MTG2: variants seen among roughly 807,000 people sequenced by gnomAD.
MTG2 encodes mitochondrial ribosome-associated GTPase 2.
A neutral mutation model predicts 28.6 loss-of-function variants in MTG2; 23 were observed. The observed-to-expected ratio is 0.80, with a 90% CI of 0.58 to 1.14. The LOEUF (loss-of-function observed/expected upper bound fraction) is 1.14, where lower values mean the gene tolerates loss of function less well. Ranked by LOEUF, MTG2 falls within the 50% of genes most tolerant of loss-of-function variation. The pLI is 0.00. For synonymous variants in MTG2, 260 were observed against 251.8 expected (o/e 1.03, Z -0.31); for missense variants, 539 against 552.0 (o/e 0.98, Z 0.24).
rs547130604 is a variant in MTG2 at position 62,190,918 on chromosome 20, C to G, written c.-5-2498C>G. 4.0e-4 allele frequency among the ~76,000 whole-genome samples: 61 copies of G among 152,274 alleles called. 2 individuals carry two copies. The highest frequency in any genetic ancestry group is 2.3e-3 in the South Asian group (11 of 4,828). ...TGTCCCATGGAGAGGTGGCCCGGCA[C>G]GGGAACTCAGCCAGTCGGAGAACAG... On this transcript the variant is annotated intron_variant, in intron 1 of 6. Transcript: ENST00000370823.
chr20:62,200,496 T>G (rs1229504373), intron 6 of MTG2, among the ~76,000 whole-genome samples, 187 bp from the exon 7 acceptor site: 2 of 152,088 alleles, frequency 1.3e-5, no homozygotes, highest in African/African-American at 4.8e-5. Context: ...GTTGGCCCAG[T>G]GAATCACCCA....
At position 62,195,877 on chromosome 20, in the gene MTG2, A is replaced by G. The variant is rs1303443769; in HGVS notation, c.280A>G (p.Ser94Gly). The G allele has an allele frequency of 1.9e-6, 3 of 1,614,222 alleles. No individual in the cohort carries two copies. Among genetic ancestry groups the G allele is most frequent in the Non-Finnish European group, 1.7e-6 (2 of 1,180,028 alleles). The stretch of plus-strand genomic sequence containing the variant: ...AGGCGCTGGGGCAAGCTGCTTCCAC[A>G]GTGAGCCCCGCAAGGAGTTTGGAGG... ...NGGAGASCFH[S>G]EPRKEFGGPD... The change falls in exon 3 of 7, where the codon AGT becomes GGT. Residue 94 changes from serine (S) to glycine (G), a missense_variant. Physicochemically the swap from Ser to Gly is moderately conservative, Grantham distance 56 (BLOSUM62 0). Coordinates refer to ENST00000370823, the MANE Select transcript of MTG2 (RefSeq NM_015666.4).
rs778175834 is a variant in MTG2, at chr20:62,195,939, C to T, written c.342C>T (p.Val114=). 6.2e-7 allele frequency: 1 copy of T among 1,614,058 alleles called. No individual in the cohort carries two copies. Among genetic ancestry groups the T allele is most frequent in the South Asian group, 1.1e-5 (1 of 91,072 alleles). ...DGGDGGNGGH[V]ILRVDQQVKS... is the part of the protein sequence containing the mutation. ...GGGACGGAGGCAACGGTGGACACGTCATTCTGAGAGGCAGGTGCCCTGGGG... is the reference window on the plus strand; with the variant it reads ...GGGACGGAGGCAACGGTGGACACGTTATTCTGAGAGGCAGGTGCCCTGGGG... The change falls in exon 3 of 7, where the codon GTC becomes GTT. Residue 114 remains valine (V), a synonymous_variant. Coordinates refer to ENST00000370823, the MANE Select transcript of MTG2 (RefSeq NM_015666.4).
chr20:62,195,908 A>ATG lies in MTG2; in HGVS notation c.312_313dup (p.Gly105ValfsTer13). On this transcript the variant is annotated frameshift_variant, in exon 3 of 7. Transcript: ENST00000370823. LOFTEE classifies it high-confidence loss of function. ...CCCCGCAAGGAGTTTGGAGGCCCTG[A>ATG]TGGAGGGGACGGAGGCAACGGTGGA... 3.7e-6 allele frequency: 6 copies of ATG among 1,614,186 alleles called. No homozygotes were observed. The highest frequency in any genetic ancestry group is 5.1e-6 in the Non-Finnish European group (6 of 1,180,024).
In MTG2 at chr20:62,201,176, A is replaced by G; in HGVS notation, c.*99A>G. On this transcript the variant is annotated 3_prime_UTR_variant, in exon 7 of 7. Coordinates refer to ENST00000370823, the MANE Select transcript of MTG2 (RefSeq NM_015666.4). ...ATAAAGTGCCTTGTGGACACGGGGG[A>G]GTTGTGGTGCTTCTGGGTCTCTGGG... is the stretch of plus-strand genomic sequence containing the variant. 7.2e-7 allele frequency: 1 copy of G among 1,382,958 alleles called. No individual in the cohort carries two copies. The highest frequency in any genetic ancestry group is 9.5e-7 in the Non-Finnish European group (1 of 1,049,090). 85.7% of individuals were successfully genotyped at this position (1,382,958 alleles called of 1,614,324 possible). A position where few individuals can be genotyped will look rare whatever the true frequency, so the allele number is the denominator to read the frequency against.
intron 1 of MTG2, among the ~76,000 whole-genome samples, chr20:62,183,681 A>G (rs975742508): frequency 6.6e-6 from 1 of 152,206 alleles, no homozygotes; most frequent in Admixed American, 6.5e-5. Flanking sequence ...ACAGACCTGT[A>G]GGTGGGAATT....
intron 1 of MTG2, among the ~76,000 whole-genome samples, chr20:62,187,477 G>C (rs1739595): frequency 0.036 from 5,452 of 152,200 alleles, 281 homozygotes; most frequent in African/African-American, 0.12. Context: ...GTTTTCCTTT[G>C]GGGAGTGTTC....
In MTG2 at chr20:62,193,967, C is replaced by T. The variant is rs907322568; in HGVS notation, c.204+343C>T. On this transcript the variant is annotated intron_variant, in intron 2 of 6. Transcript: ENST00000370823. The stretch of plus-strand genomic sequence containing the variant: ...TTAAAACAAATGCGGAGGCTGGGCA[C>T]GGTGGCTCATGCCTGTTATCCCAAC... 2.0e-5 allele frequency: 4 copies of T among 202,654 alleles called. No individual in the cohort carries two copies. The Admixed American group carries it at 2.3e-4, about 11-fold the overall frequency. 12.6% of individuals were successfully genotyped at this position (202,654 alleles called of 1,614,324 possible). A position where few individuals can be genotyped will look rare whatever the true frequency, so the allele number is the denominator to read the frequency against.
rs764705797 is a variant in MTG2, at chr20:62,198,719, G to A, written c.554G>A (p.Gly185Asp). ...GGAGATGAGTACATTGCCGCGCTGG[G>A]CGGGGCAGGAGGGAAAGGCAACCGC... ...CVGDEYIAAL[G>D]GAGGKGNRFF... The change falls in exon 5 of 7, where the codon GGC (glycine) becomes GAC (aspartate). Residue 185 changes from glycine (G) to aspartate (D), a missense_variant. Gly to Asp is a moderately conservative substitution (Grantham distance 94). Transcript: ENST00000370823. The A allele has an allele frequency of 3.7e-6, 6 of 1,614,028 alleles. No homozygotes were observed. Among genetic ancestry groups the A allele is most frequent in the Non-Finnish European group, 5.1e-6 (6 of 1,180,054 alleles).
At position 62,195,828 on chromosome 20, in the gene MTG2, A is replaced by C. The variant is rs1283559087; in HGVS notation, c.231A>C (p.Arg77Ser). The change falls in exon 3 of 7, where the codon AGA becomes AGC. Residue 77 changes from arginine (R) to serine (S), a missense_variant. By Grantham distance (110) the Arg-to-Ser change is moderately radical (BLOSUM62 -1). Transcript: ENST00000370823. ...KLKRYFVDYR[R>S]VLVCGGNGGA... The stretch of plus-strand genomic sequence containing the variant: ...AAAGGTACTTTGTGGACTATCGGAG[A>C]GTGCTTGTCTGTGGAGGAAACGGAG... The C allele has an allele frequency of 1.2e-6, 2 of 1,614,158 alleles. No homozygotes were observed. The highest frequency in any genetic ancestry group is 2.2e-5 in the South Asian group (2 of 91,084).
At chr20:62,189,880 G>T (rs1344835127) in intron 1 of MTG2, among the ~76,000 whole-genome samples, 1 of 151,928 alleles carries the variant, frequency 6.6e-6, no homozygotes, top group Non-Finnish European at 1.5e-5. Flanking sequence ...GGTCAGGCTG[G>T]TCTCAAACTC....
At position 62,200,924 on chromosome 20, in the gene MTG2, G is replaced by C. The variant is rs1371609290; in HGVS notation, c.1068G>C (p.Leu356=). 3 of 1,614,096 alleles carry C rather than the reference G, an allele frequency of 1.9e-6. No individual in the cohort carries two copies. Among genetic ancestry groups the C allele is most frequent in the Middle Eastern group, 1.6e-4 (1 of 6,062 alleles). The change falls in exon 7 of 7, where the codon CTG becomes CTC. Residue 356 remains leucine, a synonymous_variant. Coordinates refer to ENST00000370823, the MANE Select transcript of MTG2 (RefSeq NM_015666.4). ...KIDLPEAQAN[L]SQLRDHLGQE... is the part of the protein sequence containing the mutation. ...ACCTCCCTGAAGCCCAAGCCAATCT[G>C]TCCCAGCTCCGGGATCACTTGGGAC...
intron 1 of MTG2, among the ~76,000 whole-genome samples, chr20:62,185,121 GA>G (rs200272862): frequency 6.6e-6 from 1 of 151,330 alleles, no homozygotes; most frequent in Non-Finnish European, 1.5e-5. Context: ...AAATAAAAAA[GA>G]AAAAAAATGG....
rs769473111 is a variant in MTG2, at chr20:62,195,993, G to A, written c.352+44G>A. ...TGCAGCGGGGTTGAGGAGGGGCCCC[G>A]AGACTGCATGTGCATTTGAACTAAA... is the stretch of plus-strand genomic sequence containing the variant. On this transcript the variant is annotated intron_variant, in intron 3 of 6. Coordinates refer to ENST00000370823, the MANE Select transcript of MTG2 (RefSeq NM_015666.4). The A allele has an allele frequency of 1.2e-5, 19 of 1,605,240 alleles. No homozygotes were observed. The Admixed American group carries it at 1.7e-4, about 14-fold the overall frequency.
intron 1 of MTG2, among the ~76,000 whole-genome samples, chr20:62,186,877 A>T (rs1204734719): frequency 1.3e-5 from 2 of 152,104 alleles, no homozygotes; most frequent in East Asian, 3.8e-4. Context: ...GTAAACAGGG[A>T]CAGTTTTACT....
At chr20:62,186,037 C>G (rs1441711230) in intron 1 of MTG2, among the ~76,000 whole-genome samples, 1 of 151,886 alleles carries the variant, frequency 6.6e-6, no homozygotes, top group East Asian at 1.9e-4. Context: ...TTCCATGTCA[C>G]CTGCATCAGG....
chr20:62,191,633 C>T (rs918565501), intron 1 of MTG2, among the ~76,000 whole-genome samples: 4 of 152,126 alleles, frequency 2.6e-5, no homozygotes, highest in Non-Finnish European at 4.4e-5. Context: ...AGGAGGCAGG[C>T]GGTGTCCCCT....
Position 62,200,884 on chromosome 20 carries a change from T to C in MTG2, c.1028T>C (p.Val343Ala), listed in dbSNP as rs1568793669. ...KGLSARPHAI[V>A]ANKIDLPEAQ... ...CTGTCTGCGAGGCCCCACGCAATCG[T>C]CGCAAACAAGATTGACCTCCCTGAA... Residue 343 changes from valine to alanine, a missense_variant, in exon 7 of 7, where the codon GTC becomes GCC. Transcript: ENST00000370823. The C allele has an allele frequency of 6.2e-7, 1 of 1,614,002 alleles. No individual in the cohort carries two copies. The highest frequency in any genetic ancestry group is 1.3e-5 in the African/African-American group (1 of 75,068).
At chr20:62,198,412 G>T in intron 4 of MTG2, 1 of 596,070 alleles carries the variant, frequency 1.7e-6, no homozygotes, top group South Asian at 2.0e-5. Context: ...AAAGCCCTTT[G>T]TGCAGTCAGA....
Sources: gnomAD v4.1 joint callset for allele counts (sites outside exome capture counted in the v4.1 genomes callset) on GRCh38, gnomAD v4.1.1 for gene constraint, MANE v1.5 for transcripts, NCBI Gene and HGNC (gene_info 2026-07-23, HGNC 2026-07-21) for gene names.